Variants in FNDC3A observed in about 807,000 individuals in gnomAD.
The protein encoded by FNDC3A is fibronectin type III domain containing 3A, also known as fibronectin type-III domain-containing protein 3A.
Under a neutral mutation model 148.9 loss-of-function variants are expected in FNDC3A, and 32 were observed. The observed-to-expected ratio is 0.21, with a 90% CI of 0.16 to 0.29. The LOEUF (loss-of-function observed/expected upper bound fraction) is 0.29, where lower values mean the gene tolerates loss of function less well. Among genes scored for constraint, FNDC3A ranks in the 10% least tolerant of loss-of-function variants. FNDC3A has a pLI of 1.00. For synonymous variants in FNDC3A, 472 were observed against 473.6 expected (o/e 1.00, Z 0.04); for missense variants, 1,191 against 1,452.8 (o/e 0.82, Z 2.93).
chr13:49,203,959 A>G (rs1352245773), intron 25 of FNDC3A, among the ~76,000 whole-genome samples: 1 of 152,190 alleles, frequency 6.6e-6, no homozygotes, highest in Non-Finnish European at 1.5e-5. Context: ...ATGAGAAGAC[A>G]GTGGAGGATT....
In FNDC3A at chr13:49,185,980, C is replaced by T; in HGVS notation, c.1634C>T (p.Ser545Leu). Residue 545 changes from serine to leucine, a missense_variant, in exon 15 of 26, where the codon TCA becomes TTA. This residue lies in a region of FNDC3A where 751 missense variants were observed against 944.0 expected (regional missense o/e 0.80). Transcript: ENST00000492622. ...TCATCACAGGTTATTGCTTACAACT[C>T]AGAAGGTAAAAGTAATCCAAGTGAA... ...KYKFKVIAYNSEGKSNPSEVV... is the reference protein window; with the variant it reads ...KYKFKVIAYNLEGKSNPSEVV... 2 of 1,611,454 alleles carry T rather than the reference C, an allele frequency of 1.2e-6. No individual in the cohort carries two copies. Among genetic ancestry groups the T allele is most frequent in the East Asian group, 4.5e-5 (2 of 44,756 alleles).
chr13:48,996,303 C>G (rs977066743), intron 1 of FNDC3A, among the ~76,000 whole-genome samples: 1 of 152,090 alleles, frequency 6.6e-6, no homozygotes, highest in African/African-American at 2.4e-5. Context: ...TAAAAATACT[C>G]CTAAATTCTA....
intron 2 of FNDC3A, among the ~76,000 whole-genome samples, chr13:49,008,377 G>C (rs1300982979): frequency 3.9e-5 from 6 of 152,146 alleles, no homozygotes; most frequent in Non-Finnish European, 7.4e-5. Context: ...GATACGCCAA[G>C]TTATAGCTTA....
At chr13:49,118,281 A>T (rs149253956) in intron 4 of FNDC3A, among the ~76,000 whole-genome samples, 1,889 of 152,212 alleles carry the variant, frequency 0.012, 14 homozygotes, top group Non-Finnish European at 0.02. Flanking sequence ...TAGCCAAGGG[A>T]AGCCATGAGG....
chr13:49,074,947 T>G (rs370468596), intron 2 of FNDC3A, among the ~76,000 whole-genome samples: 1 of 152,192 alleles, frequency 6.6e-6, no homozygotes, highest in African/African-American at 2.4e-5. Context: ...GTTTATACTT[T>G]AGAAAAACAT....
At chr13:49,176,643 T>G (rs1402847842) in intron 13 of FNDC3A, among the ~76,000 whole-genome samples, 1 of 151,676 alleles carries the variant, frequency 6.6e-6, no homozygotes, top group African/African-American at 2.4e-5. Context: ...TTTTAAAAAA[T>G]CAGAAAAAAA....
chr13:49,011,574 T>C (rs1249739140), intron 2 of FNDC3A, among the ~76,000 whole-genome samples: 2 of 152,144 alleles, frequency 1.3e-5, no homozygotes, highest in African/African-American at 2.4e-5. Context: ...AATTTTAATA[T>C]GGTCAGATTT....
chr13:49,138,884 T>C, intron 7 of FNDC3A, 79 bp downstream of exon 7: 1 of 794,068 alleles, frequency 1.3e-6, no homozygotes, highest in Admixed American at 2.6e-5. Context: ...ATGTAGTTTT[T>C]TTCTTTTAAC....
intron 1 of FNDC3A, among the ~76,000 whole-genome samples, chr13:48,988,320 C>T (rs767590676): frequency 2.6e-5 from 4 of 152,168 alleles, no homozygotes; most frequent in Non-Finnish European, 5.9e-5. Context: ...CTACAGAACT[C>T]TCCACCCCAA....
chr13:49,119,704 A>G (rs1394456764), intron 4 of FNDC3A, among the ~76,000 whole-genome samples: 1 of 151,916 alleles, frequency 6.6e-6, no homozygotes, highest in Non-Finnish European at 1.5e-5. Flanking sequence ...CACAAGTATC[A>G]ACAGCCAAAT....
chr13:49,124,397 G>A lies in FNDC3A; in HGVS notation c.253-6740G>A, dbSNP rs150361304. On this transcript the variant is annotated intron_variant, in intron 4 of 25. Coordinates refer to ENST00000492622, the MANE Select transcript of FNDC3A (RefSeq NM_001079673.2). ...AGGAGAAATACCTAATATAGATGAT[G>A]GGTTGATGGGTGCAGCAAACCACCA... is the stretch of plus-strand genomic sequence containing the variant. Among the ~76,000 whole-genome samples the A allele has an allele frequency of 2.7e-3, 411 of 151,928 alleles. 1 individual carries two copies. The highest frequency in any genetic ancestry group is 7.8e-3 in the African/African-American group (324 of 41,412).
rs989580232 is a variant in FNDC3A, at chr13:49,030,720, G to T, written c.99+24431G>T. Among the ~76,000 whole-genome samples, 4 of 152,086 alleles carry T rather than the reference G, an allele frequency of 2.6e-5. No homozygotes were observed. In the East Asian group the frequency reaches 7.7e-4, roughly 29 times the overall value. ...AATTGTATTTCTATATACGGGCAAT[G>T]AACAATCTGAAAATGAAATTAAGAA... On this transcript the variant is annotated intron_variant, in intron 2 of 25. Coordinates refer to ENST00000492622, the MANE Select transcript of FNDC3A (RefSeq NM_001079673.2).
chr13:49,073,851 TACAC>T (rs1271420017), intron 2 of FNDC3A, among the ~76,000 whole-genome samples: 4 of 141,006 alleles, frequency 2.8e-5, no homozygotes, highest in African/African-American at 1.2e-4. Context: ...TATATGTATA[TACAC>T]ACACACATAC....
rs558588903 is a variant in FNDC3A, at chr13:49,098,985, A to G, written c.176-15670A>G. ...GGTGAGTTCCTAGATCAAGGCTTAC[A>G]CTAATTGCCTGCCTTATATGAATAA... is the stretch of plus-strand genomic sequence containing the variant. On this transcript the variant is annotated intron_variant, in intron 3 of 25. Coordinates refer to ENST00000492622, the MANE Select transcript of FNDC3A (RefSeq NM_001079673.2). 4.6e-5 allele frequency among the ~76,000 whole-genome samples: 7 copies of G among 152,202 alleles called. No homozygotes were observed. The South Asian group carries it at 1.5e-3, about 32-fold the overall frequency.
At chr13:49,081,906 C>T (rs180992548) in intron 3 of FNDC3A, among the ~76,000 whole-genome samples, 121 of 151,504 alleles carry the variant, frequency 8.0e-4, no homozygotes, top group African/African-American at 2.8e-3. Flanking sequence ...AACTTTGTCT[C>T]ACGTTGTGTT....
intron 4 of FNDC3A, among the ~76,000 whole-genome samples, chr13:49,130,692 T>A (rs1441847554): frequency 1.3e-5 from 2 of 152,226 alleles, no homozygotes; most frequent in African/African-American, 4.8e-5. Flanking sequence ...TACCAATATA[T>A]TTAATAAGTT....
intron 25 of FNDC3A, among the ~76,000 whole-genome samples, chr13:49,206,433 A>AC (rs1372363924): frequency 6.6e-6 from 1 of 152,078 alleles, no homozygotes; most frequent in Non-Finnish European, 1.5e-5. Flanking sequence ...CTGATTTTTC[A>AC]CAAAAAAAAA....
chr13:49,052,431 CT>C (rs201631830), intron 2 of FNDC3A, among the ~76,000 whole-genome samples: 9 of 149,168 alleles, frequency 6.0e-5, no homozygotes, highest in Admixed American at 6.7e-5. Flanking sequence ...GAGAGCTGAA[CT>C]TTTTTTTTTG....
chr13:49,188,368 T>C, intron 16 of FNDC3A, 147 bp from the exon 17 acceptor site: 2 of 624,132 alleles, frequency 3.2e-6, no homozygotes, highest in South Asian at 2.2e-5. Context: ...AATTAGATCA[T>C]TTCCAGGAAA....
Sources: gnomAD v4.1 joint callset for allele counts (sites outside exome capture counted in the v4.1 genomes callset) on GRCh38, gnomAD v4.1.1 for gene constraint, gnomAD v4.1.1 regional missense constraint, MANE v1.5 for transcripts, NCBI Gene and HGNC (gene_info 2026-07-23, HGNC 2026-07-21) for gene names.